ALS2: variants seen among roughly 807,000 people sequenced by gnomAD.
ALS2 encodes alsin Rho guanine nucleotide exchange factor ALS2, also known as alsin.
Under a neutral mutation model 203.4 loss-of-function variants are expected in ALS2, and 117 were observed. That is an observed-to-expected ratio of 0.58 (90% CI 0.50 to 0.67). The LOEUF is 0.67. Among genes scored for constraint, ALS2 ranks in the 30% least tolerant of loss-of-function variants. The pLI, the probability that ALS2 is intolerant of heterozygous loss-of-function variation, is 0.00. For missense variants in ALS2, 1,715 were observed against 1,989.4 expected, an observed-to-expected ratio of 0.86 and a Z score of 2.62; for synonymous variants, 718 against 725.9, an observed-to-expected ratio of 0.99 and a Z score of 0.17.
intron 23 of ALS2, chr2:201,719,861 C>A (rs76070194): frequency 0.082 from 15,629 of 191,134 alleles, 727 homozygotes; most frequent in African/African-American, 0.11. Flanking sequence ...AAGTAGATAA[C>A]ATAGAGAAAT....
Position 201,746,551 on chromosome 2 carries a change from C to T in ALS2, c.1998+15G>A. On this transcript the variant is annotated intron_variant, in intron 9 of 33. Coordinates refer to ENST00000264276, the MANE Select transcript of ALS2 (RefSeq NM_020919.4). ...TGTTACTGAATGTGGGCCTTAGGAT[C>T]CAATTCCTGTTCACCTTACTACAGG... The T allele has an allele frequency of 1.1e-5, 17 of 1,613,864 alleles. No homozygotes were observed. Among genetic ancestry groups the T allele is most frequent in the Non-Finnish European group, 1.4e-5 (17 of 1,179,824 alleles).
chr2:201,738,482 A>G, intron 12 of ALS2, 188 bp downstream of exon 12: 1 of 614,960 alleles, frequency 1.6e-6, no homozygotes, highest in Non-Finnish European at 2.9e-6. Context: ...TTTCAATAGC[A>G]TACTACTTAT....
At chr2:201,767,135 C>A in intron 3 of ALS2, 94 bp downstream of exon 3, 1 of 1,440,610 alleles carries the variant, frequency 6.9e-7, no homozygotes, top group Non-Finnish European at 9.7e-7. Flanking sequence ...AGAAAAAGAA[C>A]CCCTAGTATC....
At chr2:201,760,529 A>G in intron 4 of ALS2, 1 of 1,043,004 alleles carries the variant, frequency 9.6e-7, no homozygotes, top group South Asian at 4.2e-5. Flanking sequence ...ACAAGTAAGA[A>G]GAATCTTTGT....
intron 1 of ALS2, among the ~76,000 whole-genome samples, chr2:201,773,511 G>C (rs1694512709): frequency 1.3e-5 from 2 of 152,198 alleles, no homozygotes; most frequent in African/African-American, 2.4e-5. Flanking sequence ...AAATGGGCAA[G>C]AGTGAGGGAG....
chr2:201,773,839 C>T (rs906014013), intron 1 of ALS2, among the ~76,000 whole-genome samples: 4 of 152,070 alleles, frequency 2.6e-5, no homozygotes, highest in African/African-American at 9.7e-5. Context: ...AGTGGTCTGC[C>T]GTGGGCACAT....
In ALS2 at chr2:201,709,902, T is replaced by C; in HGVS notation, c.4259A>G (p.Lys1420Arg). The change falls in exon 27 of 34, where the codon AAG (lysine) becomes AGG (arginine). Residue 1420 changes from lysine to arginine, a missense_variant. Physicochemically the swap from Lys to Arg is conservative, Grantham distance 26. This residue lies in a region of ALS2 where 1,227 missense variants were observed against 1,413.5 expected (regional missense o/e 0.87). Transcript: ENST00000264276. Reference protein sequence around the residue: ...EAVKEIKSYLKRIFQLVRFLF... With the variant: ...EAVKEIKSYLRRIFQLVRFLF... ...TTACCTCACCAGCTGGAAAATTCGC[T>C]TAAGATAGGACTTAATCTCCTTTAC... is the stretch of plus-strand genomic sequence containing the variant. 6.2e-7 allele frequency: 1 copy of C among 1,614,146 alleles called. No individual in the cohort carries two copies. The highest frequency in any genetic ancestry group is 8.5e-7 in the Non-Finnish European group (1 of 1,179,996).
chr2:201,746,781 A>G (rs754661970), intron 8 of ALS2, 33 bp from the exon 9 acceptor site: 5 of 1,612,502 alleles, frequency 3.1e-6, no homozygotes, highest in East Asian at 4.5e-5. Flanking sequence ...TCTGTCCAAG[A>G]TAAAGGCAAT....
At chr2:201,747,047 C>T (rs541038988) in intron 8 of ALS2, among the ~76,000 whole-genome samples, 1 of 152,264 alleles carries the variant, frequency 6.6e-6, no homozygotes, top group South Asian at 2.1e-4. Flanking sequence ...TCTGCACAGA[C>T]TGTATTATAA....
chr2:201,712,627 C>T (rs6760201), intron 25 of ALS2, among the ~76,000 whole-genome samples: 32,020 of 151,910 alleles, frequency 0.21, 3,930 homozygotes, highest in East Asian at 0.39. Flanking sequence ...TCAAGAAAGT[C>T]ACAGTTAATT....
chr2:201,741,828 G>A lies in ALS2; in HGVS notation c.2197C>T (p.Gln733Ter). ...LENLGTTTTV[Q>*]LLQEVASRFS... is the part of the protein sequence containing the mutation. ...CGGCTAGCCACCTCCTGCAACAGCTGGACTGTAGTTGTAGTGCCCAAATTT... is the reference window on the plus strand; with the variant it reads ...CGGCTAGCCACCTCCTGCAACAGCTAGACTGTAGTTGTAGTGCCCAAATTT... Residue 733 changes from glutamine (Q) to a stop codon, truncating the protein, a stop_gained, in exon 11 of 34, where the codon CAG becomes TAG. Transcript: ENST00000264276. LOFTEE classifies it high-confidence loss of function. 1.2e-6 allele frequency: 2 copies of A among 1,613,980 alleles called. No individual in the cohort carries two copies. The highest frequency in any genetic ancestry group is 1.7e-6 in the Non-Finnish European group (2 of 1,179,978).
Position 201,715,667 on chromosome 2 carries a change from C to G in ALS2, c.4004+5G>C. 1 of 1,614,160 alleles carries G rather than the reference C, an allele frequency of 6.2e-7. No individual in the cohort carries two copies. Among genetic ancestry groups the G allele is most frequent in the Non-Finnish European group, 8.5e-7 (1 of 1,179,986 alleles). ...CTGCTGTATGTTGAGCAGGTGTTCACTCACCTGTCTCTGTGCTGGCGCCGA... is the reference window on the plus strand; with the variant it reads ...CTGCTGTATGTTGAGCAGGTGTTCAGTCACCTGTCTCTGTGCTGGCGCCGA... On this transcript the variant is annotated splice_donor_5th_base_variant and intron_variant, in intron 25 of 33. Transcript: ENST00000264276.
intron 23 of ALS2, chr2:201,722,696 T>C: frequency 4.3e-6 from 1 of 233,328 alleles, no homozygotes; most frequent in Non-Finnish European, 8.3e-6. Context: ...AAAAACATTA[T>C]ACTAAGTGTA....
chr2:201,772,394 TAA>T lies in ALS2; in HGVS notation c.-60-3451_-60-3450del, dbSNP rs1378778106. On this transcript the variant is annotated intron_variant, in intron 1 of 33. Transcript: ENST00000264276. ...ACCAGAAATCTATAGCTCTGAAAAT[TAA>T]AAGTTTTTTCAATAACACTTTTGGT... Among the ~76,000 whole-genome samples, 10 of 152,334 alleles carry T rather than the reference TAA, an allele frequency of 6.6e-5. No individual in the cohort carries two copies. The East Asian group carries it at 1.9e-3, about 29-fold the overall frequency.
chr2:201,739,235 CAAAA>C, intron 11 of ALS2, among the ~76,000 whole-genome samples: 1 of 41,080 alleles, frequency 2.4e-5, no homozygotes, highest in Admixed American at 3.2e-4. Flanking sequence ...GACTGTCTCC[CAAAA>C]AAAAAAAAAA....
In ALS2 at chr2:201,760,973, C is replaced by T; in HGVS notation, c.1021G>A (p.Asp341Asn). ...AGGTATTCATTGACTGCTTGGGTGT[C>T]AGGGTATGATGGTATGTTTCTGGCA... ...SSARNIPSYP[D>N]TQAVNEYLRK... The change falls in exon 4 of 34, where the codon GAC becomes AAC. Residue 341 changes from aspartate (D) to asparagine (N), a missense_variant. This residue lies in a region of ALS2 where 476 missense variants were observed against 539.3 expected (regional missense o/e 0.88). Transcript: ENST00000264276. The T allele has an allele frequency of 6.2e-7, 1 of 1,614,092 alleles. No individual in the cohort carries two copies.
rs529130074 is a variant in ALS2, at chr2:201,726,719, G to A, written c.3127C>T (p.Arg1043Cys). The A allele has an allele frequency of 6.2e-6, 10 of 1,614,168 alleles. No homozygotes were observed. Among genetic ancestry groups the A allele is most frequent in the East Asian group, 4.5e-5 (2 of 44,882 alleles). ...SAKYTFYKDPRLKDATYDGRW... is the reference protein window; with the variant it reads ...SAKYTFYKDPCLKDATYDGRW... ...CCATCATAGGTGGCATCCTTTAGGC[G>A]AGGATCCTTGTAGAAAGTATATTTG... The change falls in exon 18 of 34, where the codon CGC (arginine) becomes TGC (cysteine). Residue 1043 changes from arginine to cysteine, a missense_variant. Coordinates refer to ENST00000264276, the MANE Select transcript of ALS2 (RefSeq NM_020919.4).
At chr2:201,726,373 T>C in intron 19 of ALS2, 111 bp downstream of exon 19, 1 of 1,029,728 alleles carries the variant, frequency 9.7e-7, no homozygotes, top group Admixed American at 1.8e-5. Flanking sequence ...TTCTAAAAAA[T>C]AACAACAAAA....
intron 8 of ALS2, among the ~76,000 whole-genome samples, chr2:201,748,594 A>G (rs1241614334): frequency 6.6e-6 from 1 of 152,196 alleles, no homozygotes; most frequent in East Asian, 1.9e-4. Flanking sequence ...TTTCCTTAGT[A>G]TGAATAAGCA....
Sources: gnomAD v4.1 joint callset for allele counts (sites outside exome capture counted in the v4.1 genomes callset) on GRCh38, gnomAD v4.1.1 for gene constraint, gnomAD v4.1.1 regional missense constraint, MANE v1.5 for transcripts, NCBI Gene and HGNC (gene_info 2026-07-23, HGNC 2026-07-21) for gene names.